LINGO1: variants seen among roughly 807,000 people sequenced by gnomAD.
LINGO1 encodes leucine-rich repeat and immunoglobulin-like domain-containing nogo receptor-interacting protein 1.
LINGO1 carries 11 observed loss-of-function variants against 37.3 expected under a neutral mutation model. That is an observed-to-expected ratio of 0.29 (90% CI 0.19 to 0.49). The LOEUF (loss-of-function observed/expected upper bound fraction) is 0.49, where lower values mean the gene tolerates loss of function less well. Ranked by LOEUF, LINGO1 falls within the 20% of genes least tolerant of loss-of-function variation. LINGO1 has a pLI of 0.99. For missense variants in LINGO1, 585 were observed against 878.2 expected (o/e 0.67, Z 4.22); for synonymous variants, 387 against 403.0 (o/e 0.96, Z 0.48).
At chr15:77,675,484 A>G (rs1261267336) in intron 3 of LINGO1, among the ~76,000 whole-genome samples, 1 of 152,260 alleles carries the variant, frequency 6.6e-6, no homozygotes. Context: ...GGGATGATCC[A>G]TATGACATTG....
At chr15:77,767,975 C>T (rs1476484505) in intron 1 of LINGO1, among the ~76,000 whole-genome samples, 2 of 152,230 alleles carry the variant, frequency 1.3e-5, no homozygotes, top group Non-Finnish European at 2.9e-5. Flanking sequence ...AACACTCAAA[C>T]AATCCACAAA....
Position 77,616,039 on chromosome 15 carries a change from C to T in LINGO1, c.7-139G>A, listed in dbSNP as rs2073708672. On this transcript the variant is annotated intron_variant, in intron 1 of 1. Coordinates refer to ENST00000355300, the MANE Select transcript of LINGO1 (RefSeq NM_032808.7). ...GATAGAGAGGCAGGGTCCAGATGCC[C>T]AGGCCAGAGGGCCTCTGGCCTCCTC... The T allele has an allele frequency of 5.3e-6, 3 of 570,274 alleles. No individual in the cohort carries two copies. In the African/African-American group the frequency reaches 5.6e-5, roughly 11 times the overall value. 35.3% of individuals were successfully genotyped at this position (570,274 alleles called of 1,614,324 possible).
At chr15:77,629,113 A>G (rs186609452) in intron 1 of LINGO1, among the ~76,000 whole-genome samples, 27 of 152,292 alleles carry the variant, frequency 1.8e-4, no homozygotes, top group Admixed American at 1.3e-3. Flanking sequence ...AACTTGCCCA[A>G]AGTCACAGAA....
chr15:77,685,435 G>C (rs544930639), intron 2 of LINGO1, among the ~76,000 whole-genome samples: 1 of 152,322 alleles, frequency 6.6e-6, no homozygotes, highest in African/African-American at 2.4e-5. Context: ...CAGGGAGGCA[G>C]TGGACATGTC....
rs111741384 is a variant in LINGO1, at chr15:77,615,078, C to T, written c.829G>A (p.Ala277Thr). The change falls in exon 2 of 2, where the codon GCT becomes ACT. Residue 277 changes from alanine to threonine, a missense_variant. This residue lies in a region of LINGO1 where 484 missense variants were observed against 735.0 expected (regional missense o/e 0.66). Coordinates refer to ENST00000355300, the MANE Select transcript of LINGO1 (RefSeq NM_032808.7). Reference protein sequence around the residue: ...SLSITHCNLTAVPYLAVRHLV... With the variant: ...SLSITHCNLTTVPYLAVRHLV... ...TGGCGGACGGCCAGGTAGGGCACAG[C>T]GGTCAGATTGCAGTGTGTGATGGAC... is the stretch of plus-strand genomic sequence containing the variant. 439 of 1,613,938 alleles carry T rather than the reference C, an allele frequency of 2.7e-4. No individual in the cohort carries two copies. The highest frequency in any genetic ancestry group is 2.0e-3 in the Middle Eastern group (12 of 6,062).
intron 3 of LINGO1, among the ~76,000 whole-genome samples, chr15:77,675,226 C>T (rs1334058283): frequency 6.6e-6 from 1 of 152,114 alleles, no homozygotes; most frequent in Admixed American, 6.5e-5. Flanking sequence ...CTGTCCAGAA[C>T]AAATCAAATG....
upstream of LINGO1, among the ~76,000 whole-genome samples, chr15:77,698,623 C>T (rs111402596): frequency 3.3e-5 from 5 of 152,192 alleles, no homozygotes; most frequent in Admixed American, 2.6e-4. Flanking sequence ...AGCACCTCTT[C>T]CTCCAAGGCG....
intron 1 of LINGO1, among the ~76,000 whole-genome samples, chr15:77,765,605 T>G (rs1225612033): frequency 6.6e-6 from 1 of 152,002 alleles, no homozygotes; most frequent in Non-Finnish European, 1.5e-5. Context: ...CAGGGAAGAC[T>G]GGTAGTGAGT....
At chr15:77,751,828 G>C (rs997233959) in intron 1 of LINGO1, among the ~76,000 whole-genome samples, 3 of 152,194 alleles carry the variant, frequency 2.0e-5, no homozygotes, top group African/African-American at 4.8e-5. Flanking sequence ...TTGAGCTCTA[G>C]ATGAACAAGG....
chr15:77,708,600 G>T (rs922063959), intron 2 of LINGO1, among the ~76,000 whole-genome samples: 1 of 152,208 alleles, frequency 6.6e-6, no homozygotes, highest in African/African-American at 2.4e-5. Flanking sequence ...AACGACTGAT[G>T]TTCTTATACA....
rs562279173 is a variant in LINGO1 at position 77,703,668 on chromosome 15, A to T, written c.-194-12767T>A. 2.0e-5 allele frequency among the ~76,000 whole-genome samples: 3 copies of T among 152,282 alleles called. No homozygotes were observed. In the East Asian group the frequency reaches 5.8e-4, roughly 29 times the overall value. ...GGACCACAATGCTCAAAATGCCTCC[A>T]ATGGGGCTGACACATTCCTTTAATC... On this transcript the variant is annotated intron_variant, in intron 2 of 3. Transcript: ENST00000561686.
chr15:77,787,346 G>C (rs1322543442), upstream of LINGO1: 2 of 152,326 alleles, frequency 1.3e-5, no homozygotes, highest in Admixed American at 1.3e-4. Context: ...CGAAGAGCCA[G>C]AGGAGCCTGG....
intron 3 of LINGO1, among the ~76,000 whole-genome samples, chr15:77,639,913 C>G (rs1165604311): frequency 6.6e-6 from 1 of 152,144 alleles, no homozygotes; most frequent in Non-Finnish European, 1.5e-5. Context: ...CACTTTGAAC[C>G]CCACACCATG....
chr15:77,747,570 T>C (rs1259396099), intron 1 of LINGO1, among the ~76,000 whole-genome samples: 1 of 152,192 alleles, frequency 6.6e-6, no homozygotes, highest in Admixed American at 6.5e-5. Flanking sequence ...CTAGGAGCTG[T>C]AGAGTGAGCA....
At chr15:77,811,443 T>C (rs1039144000) in intron 1 of LINGO1, among the ~76,000 whole-genome samples, 2 of 152,102 alleles carry the variant, frequency 1.3e-5, no homozygotes, top group African/African-American at 4.8e-5. Context: ...CTGCCTCTCC[T>C]GTGTCTGCCC....
chr15:77,776,554 G>GGCAGGAAAGCAGGAAGGCAGGAAAGC (rs2076656397), intron 1 of LINGO1, among the ~76,000 whole-genome samples: 4 of 57,602 alleles, frequency 6.9e-5, no homozygotes, highest in Admixed American at 2.0e-4. Context: ...GGGAGGGAGG[G>GGCAGGAAAGCAGGAAGGCAGGAAAGC]AGGGAGCTGA....
chr15:77,614,860 T>C lies in LINGO1; in HGVS notation c.1047A>G (p.Thr349=). ...CCGAGTGGAAGACTGATTCCTCCAGTGTGGTCAGCTGGTTGCCAGAGACAT... is the reference window on the plus strand; with the variant it reads ...CCGAGTGGAAGACTGATTCCTCCAGCGTGGTCAGCTGGTTGCCAGAGACAT... The part of the protein sequence containing the change: ...VLNVSGNQLT[T]LEESVFHSVG... Residue 349 remains threonine, a synonymous_variant, in exon 2 of 2, where the codon ACA becomes ACG. Transcript: ENST00000355300. 1 of 1,613,582 alleles carries C rather than the reference T, an allele frequency of 6.2e-7. No individual in the cohort carries two copies. The highest frequency in any genetic ancestry group is 8.5e-7 in the Non-Finnish European group (1 of 1,179,804).
At chr15:77,719,512 C>T (rs2076023895) in intron 2 of LINGO1, among the ~76,000 whole-genome samples, 1 of 149,616 alleles carries the variant, frequency 6.7e-6, no homozygotes, top group African/African-American at 2.4e-5. Flanking sequence ...GGGGAGGTCA[C>T]GGGAGACACA....
At chr15:77,652,248 A>G (rs2141141532) in intron 3 of LINGO1, 1 of 152,326 alleles carries the variant, frequency 6.6e-6, no homozygotes, top group Admixed American at 6.5e-5. Context: ...GATGATGGAT[A>G]CCAAAGTGCT....
Sources: allele counts gnomAD v4.1 joint callset (sites outside exome capture counted in the v4.1 genomes callset), GRCh38; gene constraint gnomAD v4.1.1; regional missense constraint gnomAD v4.1.1; transcripts MANE v1.5; gene names NCBI Gene and HGNC (gene_info 2026-07-23, HGNC 2026-07-21).